Variants in CNTLN observed in about 807,000 individuals in gnomAD.
CNTLN encodes centlein.
In CNTLN, 212 loss-of-function variants were observed where a neutral mutation model predicts 180.0. The ratio of observed to expected loss-of-function variants is 1.18; its 90% CI spans 1.05 to 1.32. CNTLN has a LOEUF of 1.32. Ranked by LOEUF, CNTLN falls within the 40% of genes most tolerant of loss-of-function variation. CNTLN has a pLI of 0.00. For synonymous variants in CNTLN, 722 were observed against 563.1 expected, an observed-to-expected ratio of 1.28 and a Z score of -3.99; for missense variants, 2,095 against 1,610.9, an observed-to-expected ratio of 1.30 and a Z score of -5.14.
At chr9:17,322,067 T>G (rs1819951786) in intron 8 of CNTLN, among the ~76,000 whole-genome samples, 1 of 152,170 alleles carries the variant, frequency 6.6e-6, no homozygotes, top group Non-Finnish European at 1.5e-5. Flanking sequence ...TTATTGTAAA[T>G]GAAAACTGCC....
At chr9:17,414,295 C>G (rs549434123) in intron 16 of CNTLN, among the ~76,000 whole-genome samples, 1 of 152,248 alleles carries the variant, frequency 6.6e-6, no homozygotes, top group Non-Finnish European at 1.5e-5. Context: ...TAGAAATACA[C>G]TTTAAGTGTG....
intron 2 of CNTLN, among the ~76,000 whole-genome samples, chr9:17,199,741 C>G (rs1253138505): frequency 1.3e-5 from 2 of 152,216 alleles, no homozygotes; most frequent in East Asian, 3.9e-4. Flanking sequence ...GGATATTAGA[C>G]TTTTGTCAGA....
intron 18 of CNTLN, among the ~76,000 whole-genome samples, chr9:17,430,102 T>G (rs2133975380): frequency 6.6e-6 from 1 of 152,144 alleles, no homozygotes; most frequent in Admixed American, 6.5e-5. Context: ...ACATCCGTAC[T>G]TGTATATTTA....
intron 13 of CNTLN, among the ~76,000 whole-genome samples, chr9:17,387,074 A>C (rs903266513): frequency 2.0e-5 from 3 of 152,204 alleles, no homozygotes; most frequent in African/African-American, 7.2e-5. Flanking sequence ...ATTATTTCAT[A>C]AGTACAGAAG....
intron 19 of CNTLN, among the ~76,000 whole-genome samples, chr9:17,459,145 G>C (rs1831309262): frequency 6.6e-6 from 1 of 151,732 alleles, no homozygotes; most frequent in South Asian, 2.1e-4. Flanking sequence ...ATAGTTTTAA[G>C]TTGATTTATA....
At chr9:17,299,602 A>T in intron 7 of CNTLN, 4 of 985,382 alleles carry the variant, frequency 4.1e-6, no homozygotes, top group Non-Finnish European at 4.8e-6. Flanking sequence ...AAGGACCTAG[A>T]TGATAGCAAG....
intron 10 of CNTLN, among the ~76,000 whole-genome samples, chr9:17,337,380 C>T (rs903957386): frequency 1.1e-4 from 17 of 152,110 alleles, no homozygotes; most frequent in African/African-American, 3.1e-4. Context: ...ATAAAGTCTT[C>T]GCCCATGCCT....
the CNTLN span, among the ~76,000 whole-genome samples, chr9:17,522,012 C>T: frequency 8.3e-6 from 1 of 120,938 alleles, no homozygotes; most frequent in African/African-American, 2.5e-5. Context: ...GACCTGTTAG[C>T]TCAAATAGGC....
intron 2 of CNTLN, among the ~76,000 whole-genome samples, chr9:17,224,317 C>A (rs1236600030): frequency 6.6e-6 from 1 of 151,952 alleles, no homozygotes; most frequent in Non-Finnish European, 1.5e-5. Flanking sequence ...AATAAATGTG[C>A]AATAAATACT....
chr9:17,363,178 C>G (rs1022895079), intron 12 of CNTLN, among the ~76,000 whole-genome samples: 1 of 151,828 alleles, frequency 6.6e-6, no homozygotes, highest in Non-Finnish European at 1.5e-5. Flanking sequence ...CTATTGTGAA[C>G]AAACATACAA....
chr9:17,222,122 A>G (rs1824177322), intron 2 of CNTLN, among the ~76,000 whole-genome samples: 1 of 152,054 alleles, frequency 6.6e-6, no homozygotes, highest in Non-Finnish European at 1.5e-5. Context: ...GTTTAAAAAA[A>G]ACAAAAACAA....
chr9:17,251,178 T>A (rs922792070), intron 5 of CNTLN, among the ~76,000 whole-genome samples: 1 of 152,038 alleles, frequency 6.6e-6, no homozygotes, highest in African/African-American at 2.4e-5. Context: ...GAAGATTGTC[T>A]CTTTTTTGTA....
chr9:17,397,804 A>T (rs1826655325), intron 15 of CNTLN, among the ~76,000 whole-genome samples: 1 of 152,158 alleles, frequency 6.6e-6, no homozygotes, highest in Non-Finnish European at 1.5e-5. Context: ...AAAATATAGG[A>T]TTGTCATTTG....
At chr9:17,469,140 G>A (rs554468943) in intron 23 of CNTLN, among the ~76,000 whole-genome samples, 4 of 151,760 alleles carry the variant, frequency 2.6e-5, no homozygotes, top group Non-Finnish European at 5.9e-5. Flanking sequence ...TGTCTGGAGT[G>A]GAGCCTAATC....
At chr9:17,499,021 A>G (rs1361032803) in intron 25 of CNTLN, among the ~76,000 whole-genome samples, 1 of 152,202 alleles carries the variant, frequency 6.6e-6, no homozygotes, top group African/African-American at 2.4e-5. Context: ...ATAAATATGC[A>G]TTTAATCTGG....
intron 2 of CNTLN, among the ~76,000 whole-genome samples, chr9:17,201,137 T>C (rs1822496957): frequency 6.6e-6 from 1 of 152,212 alleles, no homozygotes; most frequent in African/African-American, 2.4e-5. Context: ...ATTACGTTTA[T>C]TGATTTGTGT....
At chr9:17,170,036 T>C (rs1355652669) in intron 2 of CNTLN, among the ~76,000 whole-genome samples, 1 of 152,212 alleles carries the variant, frequency 6.6e-6, no homozygotes, top group African/African-American at 2.4e-5. Context: ...GAGCTATTTT[T>C]CCAGTTATTT....
intron 2 of CNTLN, among the ~76,000 whole-genome samples, chr9:17,209,894 A>G (rs571333362): frequency 6.6e-6 from 1 of 152,314 alleles, no homozygotes; most frequent in African/African-American, 2.4e-5. Flanking sequence ...ATTTTACAGA[A>G]GATAATCTAA....
At chr9:17,153,887 G>C (rs911436793) in intron 2 of CNTLN, among the ~76,000 whole-genome samples, 1 of 151,982 alleles carries the variant, frequency 6.6e-6, no homozygotes, top group Non-Finnish European at 1.5e-5. Context: ...TGTCTTCTCT[G>C]TTTATTTCAT....
Sources: allele counts gnomAD v4.1 joint callset (sites outside exome capture counted in the v4.1 genomes callset), GRCh38; gene constraint gnomAD v4.1.1; transcripts MANE v1.5; gene names NCBI Gene and HGNC (gene_info 2026-07-23, HGNC 2026-07-21).